Variants in RBM26 observed in about 807,000 individuals in gnomAD.
RBM26 encodes RNA binding motif protein 26.
Under a neutral mutation model 123.6 loss-of-function variants are expected in RBM26, and 30 were observed. The observed-to-expected ratio is 0.24, with a 90% CI of 0.18 to 0.33. The LOEUF is 0.33. Ranked by LOEUF, RBM26 falls within the 10% of genes least tolerant of loss-of-function variation. The probability of loss-of-function intolerance (pLI) is 1.00; values close to 1 mark genes in which losing one functional copy is unlikely to be tolerated. For missense variants in RBM26, 947 were observed against 1,203.6 expected (o/e 0.79, Z 3.15); for synonymous variants, 400 against 404.4 (o/e 0.99, Z 0.13).
At chr13:79,328,340 A>G (rs9285310) in intron 20 of RBM26, among the ~76,000 whole-genome samples, 72,973 of 151,662 alleles carry the variant, frequency 0.48, 18,094 homozygotes, top group East Asian at 0.72. Flanking sequence ...AAATAAACAT[A>G]TCAGAAATTT....
intron 20 of RBM26, among the ~76,000 whole-genome samples, chr13:79,326,756 G>A (rs945275236): frequency 1.3e-5 from 2 of 151,948 alleles, no homozygotes; most frequent in African/African-American, 2.4e-5. Context: ...ACTTTCCAAT[G>A]ACAGGTAATA....
chr13:79,406,206 G>A lies in RBM26; in HGVS notation c.-432C>T, dbSNP rs1035117631. On this transcript the variant is annotated 5_prime_UTR_variant, in exon 1 of 22. Transcript: ENST00000438737. Reference sequence around the variant, plus strand: ...TGGGAACGATTCAGGGGGTCTTCCCGGCTCCCAGCACCCCCAAGAAGATGG... The same window carrying A: ...TGGGAACGATTCAGGGGGTCTTCCCAGCTCCCAGCACCCCCAAGAAGATGG... The A allele has an allele frequency of 6.5e-6, 1 of 153,826 alleles. No individual in the cohort carries two copies. The highest frequency in any genetic ancestry group is 1.4e-5 in the Non-Finnish European group (1 of 69,220). The allele number at this position is 153,826 out of a possible 1,614,324, so 9.5% of individuals were successfully genotyped here.
chr13:79,346,355 A>G (rs1344103142), intron 14 of RBM26, among the ~76,000 whole-genome samples: 2 of 152,196 alleles, frequency 1.3e-5, no homozygotes, highest in African/African-American at 4.8e-5. Context: ...GTTCTTAACA[A>G]TATTTGATGT....
chr13:79,313,177 C>T (rs1267479342), exon 5 of RBM26: 1 of 151,784 alleles, frequency 6.6e-6, no homozygotes, highest in East Asian at 1.9e-4. Flanking sequence ...ACAATAGCTC[C>T]ATGAGAATCC....
intron 1 of RBM26, among the ~76,000 whole-genome samples, chr13:79,399,349 T>C (rs2078868996): frequency 6.6e-6 from 1 of 152,130 alleles, no homozygotes; most frequent in Non-Finnish European, 1.5e-5. Flanking sequence ...TTGCACACAA[T>C]GAATGTATAA....
intron 6 of RBM26, among the ~76,000 whole-genome samples, chr13:79,367,610 C>A (rs1231765224): frequency 6.6e-6 from 1 of 151,594 alleles, no homozygotes. Context: ...GAGCATGGCA[C>A]CTCCCCCACC....
chr13:79,404,862 T>C (rs576576384), intron 1 of RBM26, among the ~76,000 whole-genome samples: 1 of 152,250 alleles, frequency 6.6e-6, no homozygotes, highest in Non-Finnish European at 1.5e-5. Flanking sequence ...ATTTTAGAAT[T>C]TAAAAGCTCT....
chr13:79,363,373 A>C (rs1054172826), intron 9 of RBM26, among the ~76,000 whole-genome samples: 1 of 152,180 alleles, frequency 6.6e-6, no homozygotes, highest in Non-Finnish European at 1.5e-5. Flanking sequence ...CAAACTGGGA[A>C]TAGATGAGAA....
intron 6 of RBM26, among the ~76,000 whole-genome samples, chr13:79,367,276 T>C (rs9545090): frequency 0.5 from 76,122 of 151,024 alleles, 19,601 homozygotes; most frequent in Middle Eastern, 0.6. Context: ...ACGTGGTGGC[T>C]GGCGCCCATA....
intron 18 of RBM26, among the ~76,000 whole-genome samples, chr13:79,337,955 C>T (rs534843773): frequency 4.6e-5 from 7 of 152,264 alleles, no homozygotes; most frequent in East Asian, 1.9e-4. Flanking sequence ...TGGTGGCTCA[C>T]GCCTGTAATC....
intron 13 of RBM26, 41 bp from the exon 14 acceptor site, chr13:79,353,265 CAT>C (rs1197050856): frequency 8.6e-7 from 1 of 1,158,724 alleles, no homozygotes; most frequent in Non-Finnish European, 1.3e-6. Context: ...TTTCCCCAAA[CAT>C]ATAAAAGTCT....
chr13:79,378,565 G>A (rs550410721), intron 2 of RBM26, among the ~76,000 whole-genome samples: 9 of 152,064 alleles, frequency 5.9e-5, no homozygotes, highest in East Asian at 5.8e-4. Context: ...TCAGCCTCCC[G>A]AGTAGCCGGG....
intron 2 of RBM26, 65 bp from the exon 3 acceptor site, chr13:79,377,580 A>G (rs553624202): frequency 3.4e-6 from 4 of 1,180,440 alleles, no homozygotes; most frequent in Non-Finnish European, 4.9e-6. Context: ...CCGCTTCCAC[A>G]TCTCTTATCT....
intron 1 of RBM26, among the ~76,000 whole-genome samples, chr13:79,397,288 A>G (rs940318043): frequency 3.9e-5 from 6 of 152,316 alleles, no homozygotes; most frequent in South Asian, 2.1e-4. Flanking sequence ...AAAGGCAGTT[A>G]CTAAAAACCT....
At chr13:79,377,904 G>T (rs977963923) in intron 2 of RBM26, among the ~76,000 whole-genome samples, 3 of 150,094 alleles carry the variant, frequency 2.0e-5, no homozygotes, top group African/African-American at 7.4e-5. Context: ...CTCCCGCCTG[G>T]GTGACAGAGC....
chr13:79,381,993 CA>C (rs2140273803), intron 1 of RBM26, among the ~76,000 whole-genome samples: 1 of 152,104 alleles, frequency 6.6e-6, no homozygotes, highest in Admixed American at 6.5e-5. Context: ...TTAAGTCCTA[CA>C]AGAAGTTCCA....
intron 11 of RBM26, among the ~76,000 whole-genome samples, chr13:79,356,839 T>C (rs926525671): frequency 2.0e-5 from 3 of 152,124 alleles, no homozygotes; most frequent in African/African-American, 7.2e-5. Context: ...ATAGAAGCAA[T>C]AGTGAGGTAT....
chr13:79,361,166 A>T (rs553836735), intron 9 of RBM26, among the ~76,000 whole-genome samples: 97 of 152,084 alleles, frequency 6.4e-4, no homozygotes, highest in Non-Finnish European at 1.0e-3. Flanking sequence ...TTTCTTAAAC[A>T]TTTCTATTAA....
chr13:79,354,589 TG>T lies in RBM26; in HGVS notation c.1855-20del, dbSNP rs745824829. 1.3e-6 allele frequency: 2 copies of T among 1,556,490 alleles called. No individual in the cohort carries two copies. Among genetic ancestry groups the T allele is most frequent in the Non-Finnish European group, 1.7e-6 (2 of 1,144,168 alleles). On this transcript the variant is annotated intron_variant, in intron 12 of 21. Transcript: ENST00000438737. Reference sequence around the variant, plus strand: ...GCATTACCTCAGAACAAGGAAAAAATGTTAAACAAGTTGATTCATTCAAAAG... The same window carrying T: ...GCATTACCTCAGAACAAGGAAAAAATTTAAACAAGTTGATTCATTCAAAAG...
Sources: allele counts gnomAD v4.1 joint callset (sites outside exome capture counted in the v4.1 genomes callset), GRCh38; gene constraint gnomAD v4.1.1; transcripts MANE v1.5; gene names NCBI Gene and HGNC (gene_info 2026-07-23, HGNC 2026-07-21).